The following SRRM3 variants were observed in gnomAD, a reference collection of about 807,000 sequenced individuals.
SRRM3 encodes serine/arginine repetitive matrix 3, also known as serine/arginine repetitive matrix protein 3.
SRRM3 carries 27 observed loss-of-function variants against 66.2 expected under a neutral mutation model. The observed-to-expected ratio is 0.41, with a 90% CI of 0.30 to 0.56. The LOEUF is 0.56. Among genes scored for constraint, SRRM3 ranks in the 20% least tolerant of loss-of-function variants. The pLI is 0.32. For missense variants in SRRM3, 918 were observed against 991.9 expected (o/e 0.93, Z 1.00); for synonymous variants, 391 against 414.9 (o/e 0.94, Z 0.70).
intron 1 of SRRM3, among the ~76,000 whole-genome samples, chr7:76,224,760 T>A (rs1800812321): frequency 6.6e-6 from 1 of 152,136 alleles, no homozygotes; most frequent in South Asian, 2.1e-4. Context: ...CAAGAGAGGT[T>A]TGTCACTGTG....
chr7:76,204,914 A>G (rs1313206568), intron 1 of SRRM3, among the ~76,000 whole-genome samples: 2 of 152,070 alleles, frequency 1.3e-5, no homozygotes, highest in Non-Finnish European at 2.9e-5. Flanking sequence ...CTCTACAAAA[A>G]ATTATAAAAA....
intron 1 of SRRM3, among the ~76,000 whole-genome samples, chr7:76,208,029 G>A (rs1045224862): frequency 6.6e-6 from 1 of 152,206 alleles, no homozygotes; most frequent in Admixed American, 6.5e-5. Context: ...GTCTGCGTGT[G>A]TGGATTTCCC....
intron 3 of SRRM3, among the ~76,000 whole-genome samples, chr7:76,258,681 T>A: frequency 8.5e-6 from 1 of 117,116 alleles, no homozygotes; most frequent in African/African-American, 3.4e-5. Context: ...GCCACTGCAC[T>A]CCAGCCTAGT....
intron 4 of SRRM3, 27 bp downstream of exon 4, chr7:76,260,061 G>C: frequency 6.8e-7 from 1 of 1,472,964 alleles, no homozygotes; most frequent in South Asian, 1.4e-5. Flanking sequence ...GCGGGGGTGG[G>C]GGGCGCGCGG....
At chr7:76,276,004 C>T (rs1007466128) in intron 11 of SRRM3, among the ~76,000 whole-genome samples, 1 of 152,040 alleles carries the variant, frequency 6.6e-6, no homozygotes, top group Non-Finnish European at 1.5e-5. Flanking sequence ...CACTTGAGCT[C>T]AGGAGTTGGA....
chr7:76,216,799 G>A (rs966922149), intron 1 of SRRM3, among the ~76,000 whole-genome samples: 1 of 152,198 alleles, frequency 6.6e-6, no homozygotes, highest in East Asian at 1.9e-4. Flanking sequence ...CCCCTCGGGG[G>A]AGGAAAGACC....
At chr7:76,231,106 T>G (rs1195722915) in intron 1 of SRRM3, among the ~76,000 whole-genome samples, 1 of 152,150 alleles carries the variant, frequency 6.6e-6, no homozygotes, top group African/African-American at 2.4e-5. Context: ...ACCCTGTGCG[T>G]GCAGTCCTGC....
In SRRM3 at chr7:76,281,554, T is replaced by C. The variant is rs1802508245; in HGVS notation, c.1122T>C (p.Gly374=). Residue 374 remains glycine (G), a synonymous_variant, in exon 12 of 15, where the codon GGT becomes GGC. Transcript: ENST00000611745. ...PSPRSAPSSQ[G]RGGRAAGGAG... ...CGCGCTCGGCGCCGTCGTCCCAAGG[T>C]CGCGGAGGCCGCGCGGCGGGCGGGG... The C allele has an allele frequency of 1.8e-6, 2 of 1,089,250 alleles. No individual in the cohort carries two copies. Among genetic ancestry groups the C allele is most frequent in the East Asian group, 5.1e-5 (1 of 19,688 alleles). 67.5% of individuals were successfully genotyped at this position (1,089,250 alleles called of 1,614,324 possible).
At chr7:76,282,494 T>A in intron 12 of SRRM3, 154 bp from the exon 13 acceptor site, 9 of 251,312 alleles carry the variant, frequency 3.6e-5, no homozygotes, top group East Asian at 1.9e-4. Flanking sequence ...TGCCCCTCAC[T>A]AGGCTCCGCG....
intron 9 of SRRM3, 102 bp downstream of exon 9, chr7:76,264,917 A>C: frequency 5.3e-4 from 676 of 1,286,958 alleles, no homozygotes; most frequent in Non-Finnish European, 6.6e-4. Flanking sequence ...AAGGTAGCTC[A>C]TTTTGCCCAG....
At chr7:76,247,605 G>A (rs1583905434) in intron 2 of SRRM3, among the ~76,000 whole-genome samples, 1 of 152,224 alleles carries the variant, frequency 6.6e-6, no homozygotes, top group East Asian at 1.9e-4. Context: ...GGGGCGAGGG[G>A]GTCGTCTCTC....
intron 11 of SRRM3, among the ~76,000 whole-genome samples, chr7:76,275,105 CAAAAAAAAAA>C: frequency 1.2e-5 from 1 of 85,614 alleles, no homozygotes; most frequent in Admixed American, 1.2e-4. Context: ...GACTCAGTCT[CAAAAAAAAAA>C]AAAAAAGAAA....
intron 1 of SRRM3, among the ~76,000 whole-genome samples, chr7:76,209,419 G>A (rs1259167833): frequency 1.3e-5 from 2 of 152,148 alleles, no homozygotes; most frequent in African/African-American, 2.4e-5. Flanking sequence ...AGAATGACAG[G>A]GGAGGTGCCA....
In SRRM3 at chr7:76,281,512, G is replaced by A. The variant is rs1554611901; in HGVS notation, c.1080G>A (p.Gly360=). The stretch of plus-strand genomic sequence containing the variant: ...CCGCACCCACGCCGCCCGCGCGGGG[G>A]AAGGAGAGCCCGAGCCCGCGCTCGG... The part of the protein sequence containing the change: ...AAAAPTPPAR[G]KESPSPRSAP... The change falls in exon 12 of 15, where the codon GGG becomes GGA. Residue 360 remains glycine, a synonymous_variant. Coordinates refer to ENST00000611745, the MANE Select transcript of SRRM3 (RefSeq NM_001110199.3). The A allele has an allele frequency of 4.1e-6, 5 of 1,209,100 alleles. No homozygotes were observed. Among genetic ancestry groups the A allele is most frequent in the Admixed American group, 4.4e-5 (1 of 22,556 alleles). The allele number at this position is 1,209,100 out of a possible 1,614,324, so 74.9% of individuals were successfully genotyped here. A position where few individuals can be genotyped will look rare whatever the true frequency, so the allele number is the denominator to read the frequency against.
At chr7:76,212,622 C>G (rs1439436861) in intron 1 of SRRM3, among the ~76,000 whole-genome samples, 1 of 151,756 alleles carries the variant, frequency 6.6e-6, no homozygotes, top group Non-Finnish European at 1.5e-5. Flanking sequence ...GCACCCGCCA[C>G]CATGCCCGGC....
At chr7:76,226,627 G>T (rs1800871406) in intron 1 of SRRM3, among the ~76,000 whole-genome samples, 2 of 152,140 alleles carry the variant, frequency 1.3e-5, no homozygotes, top group Admixed American at 6.5e-5. Flanking sequence ...TTTTGCTCTT[G>T]TTCCTCAGGC....
At chr7:76,210,746 G>A (rs1438101188) in intron 1 of SRRM3, among the ~76,000 whole-genome samples, 3 of 152,070 alleles carry the variant, frequency 2.0e-5, no homozygotes, top group Admixed American at 6.6e-5. Flanking sequence ...AACATAGTGA[G>A]ATCCCGTCTC....
chr7:76,275,855 A>G (rs574750221), intron 11 of SRRM3, among the ~76,000 whole-genome samples: 96 of 152,192 alleles, frequency 6.3e-4, no homozygotes, highest in Non-Finnish European at 8.8e-4. Context: ...CAGGAGGATC[A>G]CTTGAGGCCA....
chr7:76,243,348 ACACT>A (rs1321693189), intron 2 of SRRM3, among the ~76,000 whole-genome samples: 1 of 152,104 alleles, frequency 6.6e-6, no homozygotes, highest in African/African-American at 2.4e-5. Flanking sequence ...AGGGGAAAGG[ACACT>A]CAGAGGTGGT....
Sources: gnomAD v4.1 joint callset for allele counts (sites outside exome capture counted in the v4.1 genomes callset) on GRCh38, gnomAD v4.1.1 for gene constraint, MANE v1.5 for transcripts, NCBI Gene and HGNC (gene_info 2026-07-23, HGNC 2026-07-21) for gene names.